Variants in LGMN observed in about 807,000 individuals in gnomAD.
The protein encoded by LGMN is asparaginyl endopeptidase.
In LGMN, 36 loss-of-function variants were observed where a neutral mutation model predicts 56.8. The ratio of observed to expected loss-of-function variants is 0.63; its 90% confidence interval spans 0.49 to 0.84. The LOEUF (loss-of-function observed/expected upper bound fraction) is 0.84. LGMN is among the 40% of genes least tolerant of loss of function. The pLI, the probability that LGMN is intolerant of heterozygous loss-of-function variation, is 0.00. For synonymous variants in LGMN, 199 were observed against 210.1 expected (o/e 0.95, Z 0.46); for missense variants, 446 against 556.1 (o/e 0.80, Z 1.99).
intron 11 of LGMN, among the ~76,000 whole-genome samples, chr14:92,708,151 CAAAA>C (rs5810610): frequency 2.2e-5 from 3 of 134,016 alleles, no homozygotes. Context: ...AACTCCATCT[CAAAA>C]AAAAAAAAAA....
chr14:92,719,163 C>G (rs1595539818), intron 2 of LGMN, among the ~76,000 whole-genome samples: 1 of 89,022 alleles, frequency 1.1e-5, no homozygotes, highest in African/African-American at 5.8e-5. Flanking sequence ...CCACTGCCAC[C>G]ACCACCACCA....
At chr14:92,729,888 T>A (rs193210772) in intron 2 of LGMN, among the ~76,000 whole-genome samples, 30 of 152,326 alleles carry the variant, frequency 2.0e-4, no homozygotes, top group African/African-American at 7.2e-4. Context: ...CCTCTCTTAC[T>A]CGGGGACGAA....
Position 92,716,269 on chromosome 14 carries a change from CAG to C in LGMN, c.319-50_319-49del, listed in dbSNP as rs113949320. 5.2e-4 allele frequency: 728 copies of C among 1,405,768 alleles called. 6 individuals are homozygous for C. The African/African-American group carries it at 8.8e-3, about 17-fold the overall frequency. 87.1% of individuals were successfully genotyped at this position (1,405,768 alleles called of 1,614,324 possible). A position where few individuals can be genotyped will look rare whatever the true frequency, so the allele number is the denominator to read the frequency against. On this transcript the variant is annotated intron_variant, in intron 4 of 13. Coordinates refer to ENST00000334869, the MANE Select transcript of LGMN (RefSeq NM_005606.7). ...ATCAGATGCAGCTGTCGCTCCAACC[CAG>C]AGAGTTGGCTGAGTCTGCAACCGAC...
intron 4 of LGMN, among the ~76,000 whole-genome samples, chr14:92,716,859 G>A (rs900220825): frequency 4.6e-5 from 7 of 152,038 alleles, no homozygotes; most frequent in East Asian, 3.8e-4. Flanking sequence ...AAGGCATCAC[G>A]GTCGATTTTA....
At position 92,711,886 on chromosome 14, in the gene LGMN, G is replaced by A. The variant is rs199988257; in HGVS notation, c.680C>T (p.Thr227Met). 23 of 1,614,016 alleles carry A rather than the reference G, an allele frequency of 1.4e-5. No homozygotes were observed. Among genetic ancestry groups the A allele is most frequent in the Non-Finnish European group, 1.5e-5 (18 of 1,179,964 alleles). The change falls in exon 9 of 14, where the codon ACG becomes ATG. Residue 227 changes from threonine (T) to methionine (M), a missense_variant. Thr to Met is a moderately conservative substitution (Grantham distance 81). Coordinates refer to ENST00000334869, the MANE Select transcript of LGMN (RefSeq NM_005606.7). ...YACYYDEKRS[T>M]YLGDWYSVNW... Reference sequence around the variant, plus strand: ...GACGCTGTACCAGTCCCCCAGGTACGTGGACCTCTTCTCATCATAGTAACA... The same window carrying A: ...GACGCTGTACCAGTCCCCCAGGTACATGGACCTCTTCTCATCATAGTAACA...
intron 11 of LGMN, among the ~76,000 whole-genome samples, chr14:92,707,657 G>GT (rs1889511894): frequency 6.6e-6 from 1 of 152,158 alleles, no homozygotes; most frequent in Non-Finnish European, 1.5e-5. Context: ...ATATATTAGT[G>GT]TAAAATGTTA....
chr14:92,717,330 C>A, intron 4 of LGMN, 50 bp downstream of exon 4: 1 of 1,112,416 alleles, frequency 9.0e-7, no homozygotes, highest in Non-Finnish European at 1.3e-6. Context: ...GAAAAATCAT[C>A]ACTAAAATGA....
At chr14:92,735,561 T>C (rs1037950084) in intron 1 of LGMN, among the ~76,000 whole-genome samples, 2 of 152,162 alleles carry the variant, frequency 1.3e-5, no homozygotes. Context: ...AGCCTCAGAT[T>C]ACCTTTGATG....
At chr14:92,716,344 C>T (rs1890073978) in intron 4 of LGMN, 123 bp from the exon 5 acceptor site, 3 of 756,498 alleles carry the variant, frequency 4.0e-6, no homozygotes, top group Non-Finnish European at 7.1e-6. Flanking sequence ...TAACAGCAAA[C>T]ACTTTTGGTC....
intron 2 of LGMN, among the ~76,000 whole-genome samples, chr14:92,730,729 G>A (rs1028715527): frequency 6.6e-6 from 1 of 152,164 alleles, no homozygotes; most frequent in African/African-American, 2.4e-5. Context: ...CAGATCACCT[G>A]AGGTCAGGAG....
At chr14:92,715,255 G>A (rs1322969997) in intron 5 of LGMN, among the ~76,000 whole-genome samples, 1 of 151,270 alleles carries the variant, frequency 6.6e-6, no homozygotes, top group African/African-American at 2.4e-5. Context: ...GTCTCACTCT[G>A]TCACTCAGGC....
chr14:92,727,168 C>T (rs1048590029), intron 2 of LGMN, among the ~76,000 whole-genome samples: 3 of 121,384 alleles, frequency 2.5e-5, no homozygotes, highest in African/African-American at 1.2e-4. Flanking sequence ...CAGTGGCTCA[C>T]GCCTGTAATC....
At chr14:92,740,057 C>G (rs1039329594) in intron 1 of LGMN, among the ~76,000 whole-genome samples, 4 of 152,130 alleles carry the variant, frequency 2.6e-5, no homozygotes, top group African/African-American at 9.7e-5. Flanking sequence ...TCAAGACCAG[C>G]CTGACCAAGG....
chr14:92,719,194 GCCACCAACACCA>G (rs1566923793), intron 2 of LGMN, among the ~76,000 whole-genome samples: 12 of 52,710 alleles, frequency 2.3e-4, no homozygotes, highest in African/African-American at 7.8e-4. Flanking sequence ...CACCACCACC[GCCACCAACACCA>G]CCACCGCCAC....
chr14:92,726,421 T>C (rs1890743402), intron 2 of LGMN, among the ~76,000 whole-genome samples: 2 of 151,870 alleles, frequency 1.3e-5, no homozygotes, highest in South Asian at 4.2e-4. Context: ...ACCTCAAATA[T>C]CTACTATCTG....
chr14:92,709,945 A>C lies in LGMN; in HGVS notation c.820-73T>G, dbSNP rs28580353. The stretch of plus-strand genomic sequence containing the variant: ...GTGAGAGAAGGCCAGAGAGAGAGGG[A>C]GAGAGAGAGCTGGTTTGAGTGGGAG... On this transcript the variant is annotated intron_variant, in intron 10 of 13. Coordinates refer to ENST00000334869, the MANE Select transcript of LGMN (RefSeq NM_005606.7). 880 of 1,279,756 alleles carry C rather than the reference A, an allele frequency of 6.9e-4. 8 individuals are homozygous for C. The African/African-American group carries it at 0.012, about 17-fold the overall frequency. The allele number at this position is 1,279,756 out of a possible 1,614,324, so 79.3% of individuals were successfully genotyped here.
intron 2 of LGMN, among the ~76,000 whole-genome samples, chr14:92,729,496 T>G (rs1417636042): frequency 2.4e-5 from 1 of 41,160 alleles, no homozygotes; most frequent in Admixed American, 3.2e-4. Context: ...GTTAAACACT[T>G]AATCCCAGCC....
chr14:92,717,141 A>C (rs547175942), intron 4 of LGMN, among the ~76,000 whole-genome samples: 2 of 152,354 alleles, frequency 1.3e-5, no homozygotes, highest in East Asian at 1.9e-4. Flanking sequence ...TCAGGCCTAA[A>C]GTATGAGAAG....
Position 92,714,471 on chromosome 14 carries a change from G to A in LGMN, c.405-20C>T, listed in dbSNP as rs780757271. 9.2e-6 allele frequency: 14 copies of A among 1,527,748 alleles called. No homozygotes were observed. The Admixed American group carries it at 1.3e-4, about 14-fold the overall frequency. The allele number at this position is 1,527,748 out of a possible 1,614,324, so 94.6% of individuals were successfully genotyped here. On this transcript the variant is annotated intron_variant, in intron 5 of 13. Coordinates refer to ENST00000334869, the MANE Select transcript of LGMN (RefSeq NM_005606.7). The surrounding 1 kb of genome is among the most constrained non-coding windows in gnomAD (Gnocchi z 5.1). ...GGGCCACTGCCAAGAAGGAATCGGG[G>A]GTCAATCATTTCCTTTTTCTGTTTT...
Sources: gnomAD v4.1 joint callset for allele counts (sites outside exome capture counted in the v4.1 genomes callset) on GRCh38, gnomAD v4.1.1 for gene constraint, Gnocchi (gnomAD v3.1) non-coding constraint, MANE v1.5 for transcripts, NCBI Gene and HGNC (gene_info 2026-07-23, HGNC 2026-07-21) for gene names.